ZCWPW2: variants seen among roughly 807,000 people sequenced by gnomAD.
ZCWPW2 encodes zinc finger CW-type and PWWP domain containing 2.
ZCWPW2 carries 45 observed loss-of-function variants against 46.6 expected under a neutral mutation model. The ratio of observed to expected loss-of-function variants is 0.96; its 90% CI spans 0.76 to 1.24. The LOEUF is 1.24. Among genes scored for constraint, ZCWPW2 ranks in the 50% most tolerant of loss-of-function variants. ZCWPW2 has a pLI of 0.00. For missense variants in ZCWPW2, 429 were observed against 403.9 expected (o/e 1.06, Z -0.53); for synonymous variants, 152 against 137.1 (o/e 1.11, Z -0.76).
At chr3:28,383,885 A>G (rs536919127) in intron 1 of ZCWPW2, among the ~76,000 whole-genome samples, 1 of 152,238 alleles carries the variant, frequency 6.6e-6, no homozygotes, top group South Asian at 2.1e-4. Context: ...TTAAAACTGG[A>G]TTTTTAAAAA....
At chr3:28,476,353 T>C (rs1245411563) in intron 4 of ZCWPW2, among the ~76,000 whole-genome samples, 1 of 152,146 alleles carries the variant, frequency 6.6e-6, no homozygotes, top group Non-Finnish European at 1.5e-5. Flanking sequence ...CCTTAGTTTT[T>C]TGAGTTCCTT....
At chr3:28,358,331 A>G (rs1253329024) in intron 1 of ZCWPW2, among the ~76,000 whole-genome samples, 1 of 152,246 alleles carries the variant, frequency 6.6e-6, no homozygotes, top group African/African-American at 2.4e-5. Context: ...TCTTATAAAT[A>G]CTGCCAACGT....
intron 4 of ZCWPW2, among the ~76,000 whole-genome samples, chr3:28,472,239 T>G (rs763180875): frequency 6.6e-6 from 1 of 152,172 alleles, no homozygotes; most frequent in African/African-American, 2.4e-5. Context: ...AATATTTATA[T>G]GTAACCACAA....
At chr3:28,414,175 T>C (rs547935653) in intron 3 of ZCWPW2, among the ~76,000 whole-genome samples, 2 of 152,100 alleles carry the variant, frequency 1.3e-5, no homozygotes, top group African/African-American at 4.8e-5. Flanking sequence ...GTATTACCTT[T>C]TCTTGAACTG....
intron 2 of ZCWPW2, among the ~76,000 whole-genome samples, chr3:28,391,767 G>C (rs1196010587): frequency 6.6e-6 from 1 of 152,128 alleles, no homozygotes; most frequent in Non-Finnish European, 1.5e-5. Context: ...GACACCCAGA[G>C]AGGGAAATGC....
intron 2 of ZCWPW2, among the ~76,000 whole-genome samples, chr3:28,394,833 A>G (rs983598313): frequency 6.6e-6 from 1 of 152,134 alleles, no homozygotes; most frequent in Non-Finnish European, 1.5e-5. Flanking sequence ...GGAAATCTTT[A>G]TAACATTTGT....
At chr3:28,441,765 G>C (rs947200640) in intron 4 of ZCWPW2, among the ~76,000 whole-genome samples, 6 of 152,166 alleles carry the variant, frequency 3.9e-5, no homozygotes, top group African/African-American at 1.4e-4. Context: ...TTTATGGCTA[G>C]ATGGGTCAGA....
chr3:28,379,124 G>C (rs1361227493), intron 1 of ZCWPW2, among the ~76,000 whole-genome samples: 1 of 151,990 alleles, frequency 6.6e-6, no homozygotes, highest in African/African-American at 2.4e-5. Flanking sequence ...TTTATACCTG[G>C]TTCATAGCAA....
intron 4 of ZCWPW2, among the ~76,000 whole-genome samples, chr3:28,442,859 G>T (rs1018282589): frequency 6.6e-6 from 1 of 152,158 alleles, no homozygotes; most frequent in African/African-American, 2.4e-5. Flanking sequence ...GTCCTTGATG[G>T]TGGCACTAGT....
intron 1 of ZCWPW2, among the ~76,000 whole-genome samples, chr3:28,355,106 A>T (rs921366365): frequency 1.3e-5 from 2 of 152,196 alleles, no homozygotes; most frequent in Non-Finnish European, 2.9e-5. Flanking sequence ...AGAAAACCCT[A>T]TCGTCTCAGC....
intron 7 of ZCWPW2, among the ~76,000 whole-genome samples, chr3:28,514,541 T>C (rs961946207): frequency 1.6e-4 from 25 of 152,114 alleles, no homozygotes; most frequent in Admixed American, 1.6e-3. Context: ...CTGGGCTTTA[T>C]TGGAAACAGA....
chr3:28,495,167 G>T (rs1250747190), intron 6 of ZCWPW2, among the ~76,000 whole-genome samples: 1 of 151,890 alleles, frequency 6.6e-6, no homozygotes, highest in Admixed American at 6.6e-5. Context: ...CACACTACCT[G>T]ACTTCAAACT....
intron 1 of ZCWPW2, among the ~76,000 whole-genome samples, chr3:28,369,479 T>C (rs1705236593): frequency 6.6e-6 from 1 of 152,170 alleles, no homozygotes; most frequent in Admixed American, 6.5e-5. Context: ...CAGATATTGG[T>C]GAACAGCAAA....
chr3:28,432,701 T>C (rs1167053947), intron 3 of ZCWPW2, among the ~76,000 whole-genome samples: 1 of 152,222 alleles, frequency 6.6e-6, no homozygotes, highest in Non-Finnish European at 1.5e-5. Context: ...TTTAGAGTTG[T>C]AGTTTTTAAA....
intron 5 of ZCWPW2, among the ~76,000 whole-genome samples, chr3:28,486,938 T>G (rs1056399638): frequency 7.2e-5 from 11 of 152,140 alleles, no homozygotes; most frequent in African/African-American, 2.7e-4. Flanking sequence ...ACACTTTATT[T>G]TGTTCAACTC....
chr3:28,394,668 G>A (rs1695625596), intron 2 of ZCWPW2, among the ~76,000 whole-genome samples: 1 of 152,052 alleles, frequency 6.6e-6, no homozygotes, highest in African/African-American at 2.4e-5. Flanking sequence ...CAAGAATAGT[G>A]TCTTCAACAA....
At chr3:28,392,166 G>A (rs1332346319) in intron 2 of ZCWPW2, among the ~76,000 whole-genome samples, 1 of 152,086 alleles carries the variant, frequency 6.6e-6, no homozygotes, top group Admixed American at 6.6e-5. Flanking sequence ...AAAGAGGCCA[G>A]GGCTACACAT....
At chr3:28,353,837 G>A (rs1462552595) in intron 1 of ZCWPW2, among the ~76,000 whole-genome samples, 1 of 152,168 alleles carries the variant, frequency 6.6e-6, no homozygotes, top group African/African-American at 2.4e-5. Context: ...CCAACCAACA[G>A]GAGAACAGCA....
chr3:28,374,231 G>T lies in ZCWPW2; in HGVS notation c.-133-16267G>T, dbSNP rs115558566. On this transcript the variant is annotated intron_variant, in intron 1 of 9. Coordinates refer to ENST00000383768, the MANE Select transcript of ZCWPW2 (RefSeq NM_001040432.4). Reference sequence around the variant, plus strand: ...TATGGTTATCTAGTTTTCCCAGCACGATTTATTGAAGAGGCTGTCCTCTTC... The same window carrying T: ...TATGGTTATCTAGTTTTCCCAGCACTATTTATTGAAGAGGCTGTCCTCTTC... 6.6e-5 allele frequency among the ~76,000 whole-genome samples: 10 copies of T among 152,176 alleles called. No individual in the cohort carries two copies. The South Asian group carries it at 2.1e-3, about 32-fold the overall frequency.
Sources: gnomAD v4.1 joint callset for allele counts (sites outside exome capture counted in the v4.1 genomes callset) on GRCh38, gnomAD v4.1.1 for gene constraint, MANE v1.5 for transcripts, NCBI Gene and HGNC (gene_info 2026-07-23, HGNC 2026-07-21) for gene names.